The following GRIP1 variants were observed in gnomAD, a reference collection of about 807,000 sequenced individuals.
GRIP1 encodes the protein glutamate receptor-interacting protein 1.
In GRIP1, 45 loss-of-function variants were observed where a neutral mutation model predicts 129.9. The ratio of observed to expected loss-of-function variants is 0.35; its 90% CI spans 0.27 to 0.44. The LOEUF is 0.44. Among genes scored for constraint, GRIP1 ranks in the 20% least tolerant of loss-of-function variants. GRIP1 has a pLI of 1.00. For synonymous variants in GRIP1, 530 were observed against 520.8 expected, an observed-to-expected ratio of 1.02 and a Z score of -0.24; for missense variants, 1,196 against 1,396.8, an observed-to-expected ratio of 0.86 and a Z score of 2.29.
At chr12:66,653,483 C>A (rs1489836170) in intron 1 of GRIP1, among the ~76,000 whole-genome samples, 1 of 152,304 alleles carries the variant, frequency 6.6e-6, no homozygotes, top group South Asian at 2.1e-4. Flanking sequence ...GCCATTCCTC[C>A]ACTTCCTAAT....
intron 1 of GRIP1, among the ~76,000 whole-genome samples, chr12:66,844,332 C>T (rs2039775266): frequency 6.6e-6 from 1 of 152,138 alleles, no homozygotes; most frequent in African/African-American, 2.4e-5. Flanking sequence ...CCAATTAGCA[C>T]ACGAAAATAT....
chr12:66,694,749 G>T (rs568039690), intron 1 of GRIP1, among the ~76,000 whole-genome samples: 1 of 152,208 alleles, frequency 6.6e-6, no homozygotes, highest in East Asian at 1.9e-4. Flanking sequence ...TGACATCCTG[G>T]TTTTCTAAGT....
At chr12:66,824,639 A>G (rs2039377043) in intron 1 of GRIP1, among the ~76,000 whole-genome samples, 1 of 152,176 alleles carries the variant, frequency 6.6e-6, no homozygotes, top group Non-Finnish European at 1.5e-5. Flanking sequence ...TGTGGTTTAT[A>G]TAGAGGAAGC....
chr12:66,680,870 C>A (rs1565963750), upstream of GRIP1, among the ~76,000 whole-genome samples: 1 of 152,176 alleles, frequency 6.6e-6, no homozygotes, highest in Admixed American at 6.6e-5. Context: ...ATACAGGAAT[C>A]TCTTGCCTTC....
intron 1 of GRIP1, among the ~76,000 whole-genome samples, chr12:66,717,385 A>AG (rs2035923440): frequency 7.3e-6 from 1 of 136,524 alleles, no homozygotes; most frequent in African/African-American, 2.5e-5. Flanking sequence ...GCTCACTGTA[A>AG]AAAAAAAAAA....
intron 2 of GRIP1, among the ~76,000 whole-genome samples, chr12:66,582,757 G>C (rs1403359381): frequency 1.4e-5 from 2 of 145,226 alleles, no homozygotes; most frequent in Non-Finnish European, 3.0e-5. Flanking sequence ...AAATAAAAGA[G>C]GATACAAACA....
chr12:66,718,332 A>G (rs2035956092), intron 1 of GRIP1, among the ~76,000 whole-genome samples: 1 of 152,170 alleles, frequency 6.6e-6, no homozygotes, highest in African/African-American at 2.4e-5. Flanking sequence ...TACAGGCAGA[A>G]AAAGAGAGAG....
intron 7 of GRIP1, among the ~76,000 whole-genome samples, chr12:66,480,182 CCCCAAAT>C (rs1170409371): frequency 1.3e-5 from 2 of 152,150 alleles, no homozygotes; most frequent in Non-Finnish European, 2.9e-5. Context: ...ATCATGTCAG[CCCCAAAT>C]CTTTTTAAGG....
chr12:66,754,945 A>G (rs1216543496), intron 1 of GRIP1, among the ~76,000 whole-genome samples: 1 of 152,100 alleles, frequency 6.6e-6, no homozygotes, highest in African/African-American at 2.4e-5. Context: ...CTACACACAA[A>G]ACTATGCCAC....
At chr12:66,541,998 CA>C in intron 2 of GRIP1, 48 bp from the exon 3 acceptor site, 1 of 1,556,716 alleles carries the variant, frequency 6.4e-7, no homozygotes. Context: ...GTAGAATCAC[CA>C]ATGTCATTTC....
At chr12:66,896,092 G>A (rs986230607) in intron 1 of GRIP1, among the ~76,000 whole-genome samples, 7 of 152,178 alleles carry the variant, frequency 4.6e-5, no homozygotes, top group African/African-American at 1.4e-4. Flanking sequence ...CATAAAATGC[G>A]AGAAAAACTG....
chr12:66,937,153 T>C (rs1197697131), intron 1 of GRIP1, among the ~76,000 whole-genome samples: 3 of 152,196 alleles, frequency 2.0e-5, no homozygotes, highest in Non-Finnish European at 2.9e-5. Flanking sequence ...CTCCCCGAGA[T>C]ACCTGAGTGG....
chr12:66,615,881 G>A (rs145707884), intron 1 of GRIP1, among the ~76,000 whole-genome samples: 13,294 of 152,156 alleles, frequency 0.087, 819 homozygotes, highest in Middle Eastern at 0.15. Flanking sequence ...CTTACCTCAG[G>A]TGATCCACCC....
chr12:66,435,558 G>A (rs2058279193), intron 13 of GRIP1, among the ~76,000 whole-genome samples: 1 of 152,114 alleles, frequency 6.6e-6, no homozygotes, highest in African/African-American at 2.4e-5. Context: ...GGGGAGGGGA[G>A]CATACACATA....
At chr12:66,353,639 C>A (rs2054341064) in intron 23 of GRIP1, 76 bp from the exon 24 acceptor site, 1 of 1,270,158 alleles carries the variant, frequency 7.9e-7, no homozygotes, top group East Asian at 2.3e-5. Flanking sequence ...GATGAACAAT[C>A]TTTTCACACG....
Position 66,756,432 on chromosome 12 carries a change from T to C in GRIP1, c.-420+47621A>G, listed in dbSNP as rs564653339. Among the ~76,000 whole-genome samples the C allele has an allele frequency of 2.6e-4, 40 of 152,360 alleles. No individual in the cohort carries two copies. In the South Asian group the frequency reaches 7.4e-3, roughly 28 times the overall value. On this transcript the variant is annotated intron_variant, in intron 1 of 4. Transcript: ENST00000538373. Reference sequence around the variant, plus strand: ...ACACCATGTTCTGTATAACTGAGCATTAACTCATTGGCGCAGTGAACCTGT... The same window carrying C: ...ACACCATGTTCTGTATAACTGAGCACTAACTCATTGGCGCAGTGAACCTGT...
intron 16 of GRIP1, among the ~76,000 whole-genome samples, chr12:66,399,367 T>C (rs1001802304): frequency 6.6e-6 from 1 of 151,870 alleles, no homozygotes. Flanking sequence ...GAAGCACTCC[T>C]AGATACACTC....
At chr12:66,956,590 A>G (rs2041845142) in intron 1 of GRIP1, among the ~76,000 whole-genome samples, 1 of 152,182 alleles carries the variant, frequency 6.6e-6, no homozygotes, top group Non-Finnish European at 1.5e-5. Flanking sequence ...AAAGATGTTA[A>G]AGCCACCACA....
At position 66,678,618 on chromosome 12, in the gene GRIP1, A is replaced by G. The variant is rs546128159; in HGVS notation, c.55+232T>C. Among the ~76,000 whole-genome samples the G allele has an allele frequency of 3.9e-5, 6 of 152,320 alleles. No individual in the cohort carries two copies. The South Asian group carries it at 1.2e-3, about 32-fold the overall frequency. The stretch of plus-strand genomic sequence containing the variant: ...CAGCAAAGAATGAAGTCATTAAAAA[A>G]AAAATCACACAAGCTGCTTTCATAA... On this transcript the variant is annotated intron_variant, in intron 1 of 24. Transcript: ENST00000359742.
Sources: gnomAD v4.1 joint callset for allele counts (sites outside exome capture counted in the v4.1 genomes callset) on GRCh38, gnomAD v4.1.1 for gene constraint, MANE v1.5 for transcripts, NCBI Gene and HGNC (gene_info 2026-07-23, HGNC 2026-07-21) for gene names.